The following FAM13C variants were observed in gnomAD, a reference collection of about 807,000 sequenced individuals.
FAM13C encodes the protein protein FAM13C.
In FAM13C, 37 loss-of-function variants were observed where a neutral mutation model predicts 73.2. The ratio of observed to expected loss-of-function variants is 0.51; its 90% CI spans 0.39 to 0.67. The LOEUF (loss-of-function observed/expected upper bound fraction) is 0.67, where lower values mean the gene tolerates loss of function less well. FAM13C is among the 30% of genes least tolerant of loss of function. The pLI, the probability that FAM13C is intolerant of heterozygous loss-of-function variation, is 0.00. For synonymous variants in FAM13C, 246 were observed against 260.9 expected (o/e 0.94, Z 0.55); for missense variants, 589 against 715.6 (o/e 0.82, Z 2.02).
At chr10:59,315,697 A>G (rs543521922) in intron 4 of FAM13C, among the ~76,000 whole-genome samples, 2 of 152,314 alleles carry the variant, frequency 1.3e-5, no homozygotes, top group South Asian at 4.1e-4. Flanking sequence ...CCCTTAGCAC[A>G]ATGTGAACTA....
intron 6 of FAM13C, among the ~76,000 whole-genome samples, chr10:59,279,913 G>A (rs1188113926): frequency 6.6e-6 from 1 of 152,140 alleles, no homozygotes; most frequent in Non-Finnish European, 1.5e-5. Context: ...GTGCCAGCCT[G>A]GTCAACTTCT....
rs920015982 is a variant in FAM13C, at chr10:59,350,376, G to A, written c.324+1894C>T. On this transcript the variant is annotated intron_variant, in intron 3 of 13. Transcript: ENST00000618804. ...GATGAAAAGAAAGAGGGTAGTCTGA[G>A]GAGAGATGGCTGGTCACCCTGAAAC... 1.1e-4 allele frequency among the ~76,000 whole-genome samples: 16 copies of A among 152,304 alleles called. 1 individual carries two copies. The highest frequency in any genetic ancestry group is 6.5e-4 in the Admixed American group (10 of 15,304).
At chr10:59,279,128 C>A (rs1021814271) in intron 6 of FAM13C, among the ~76,000 whole-genome samples, 1 of 152,212 alleles carries the variant, frequency 6.6e-6, no homozygotes, top group African/African-American at 2.4e-5. Context: ...TATTACTGAA[C>A]CTTCTTGCAC....
At position 59,251,566 on chromosome 10, in the gene FAM13C, G is replaced by A. The variant is rs535888583; in HGVS notation, c.1634+9C>T. The stretch of plus-strand genomic sequence containing the variant: ...TATTAGCTTTAAAAATCTCTCTGCC[G>A]ACACATACCTTCCTGTTTGTTTAAA... On this transcript the variant is annotated intron_variant, in intron 13 of 13. Transcript: ENST00000618804. 19 of 1,609,502 alleles carry A rather than the reference G, an allele frequency of 1.2e-5. No homozygotes were observed. The Admixed American group carries it at 2.3e-4, about 20-fold the overall frequency.
chr10:59,257,566 T>G (rs1270618103), intron 10 of FAM13C, among the ~76,000 whole-genome samples: 1 of 152,206 alleles, frequency 6.6e-6, no homozygotes, highest in East Asian at 1.9e-4. Context: ...CAGTGAGCAA[T>G]GGAAAACATG....
At position 59,247,076 on chromosome 10, in the gene FAM13C, G is replaced by A. The variant is rs1426794859; in HGVS notation, c.*538C>T. 4 of 156,604 alleles carry A rather than the reference G, an allele frequency of 2.6e-5. No homozygotes were observed. The highest frequency in any genetic ancestry group is 1.4e-5 in the Non-Finnish European group (1 of 71,004). The allele number at this position is 156,604 out of a possible 1,614,324, so 9.7% of individuals were successfully genotyped here. On this transcript the variant is annotated 3_prime_UTR_variant, in exon 14 of 14. Transcript: ENST00000618804. ...AGCAACACAATCTAGTTTATTTTAG[G>A]GTACTGAGAGCCTAGCAGACTTAAA...
chr10:59,342,344 C>A (rs1179122796), intron 3 of FAM13C, among the ~76,000 whole-genome samples: 1 of 93,782 alleles, frequency 1.1e-5, no homozygotes, highest in Non-Finnish European at 2.1e-5. Flanking sequence ...CAAACTTTAC[C>A]CTTTAAAGTT....
chr10:59,311,011 T>G (rs1848851651), intron 4 of FAM13C, among the ~76,000 whole-genome samples: 1 of 152,146 alleles, frequency 6.6e-6, no homozygotes, highest in South Asian at 2.1e-4. Context: ...GGAACTTCTT[T>G]GAGTATAGGA....
intron 4 of FAM13C, among the ~76,000 whole-genome samples, chr10:59,319,271 A>C (rs1849912491): frequency 6.6e-6 from 1 of 152,222 alleles, no homozygotes; most frequent in Non-Finnish European, 1.5e-5. Context: ...CAAGGCCATT[A>C]TCCTTGCTAA....
intron 6 of FAM13C, among the ~76,000 whole-genome samples, chr10:59,275,424 C>T (rs1844217568): frequency 6.6e-6 from 1 of 152,146 alleles, no homozygotes. Flanking sequence ...CAGTGTCAGA[C>T]ACCAAGCTTC....
intron 6 of FAM13C, among the ~76,000 whole-genome samples, chr10:59,281,427 C>A (rs569702657): frequency 6.6e-6 from 1 of 152,236 alleles, no homozygotes; most frequent in East Asian, 1.9e-4. Flanking sequence ...ATATCCCTGC[C>A]AAATGAAGAG....
chr10:59,247,781 C>A, intron 13 of FAM13C, 44 bp from the exon 14 acceptor site: 2 of 1,570,856 alleles, frequency 1.3e-6, no homozygotes, highest in South Asian at 2.3e-5. Context: ...TGAATCAAGT[C>A]ATTATTTAAA....
At chr10:59,270,851 A>G (rs915820001) in intron 6 of FAM13C, among the ~76,000 whole-genome samples, 2 of 152,134 alleles carry the variant, frequency 1.3e-5, no homozygotes, top group African/African-American at 4.8e-5. Flanking sequence ...TTCAGGCAAA[A>G]CAAAAAACAT....
chr10:59,264,899 A>G (rs1220031370), intron 8 of FAM13C, among the ~76,000 whole-genome samples: 2 of 152,164 alleles, frequency 1.3e-5, no homozygotes, highest in African/African-American at 4.8e-5. Context: ...GTTACTTTAA[A>G]TTAAGGATGT....
chr10:59,288,205 T>C (rs1036799567), intron 5 of FAM13C, among the ~76,000 whole-genome samples: 1 of 152,182 alleles, frequency 6.6e-6, no homozygotes, highest in African/African-American at 2.4e-5. Flanking sequence ...GAACTATCCA[T>C]TGGTGGCTGG....
intron 13 of FAM13C, among the ~76,000 whole-genome samples, chr10:59,247,967 A>G (rs2133333945): frequency 6.6e-6 from 1 of 152,208 alleles, no homozygotes. Context: ...TTTTGCAAAT[A>G]TGTGGTCTAG....
At chr10:59,259,433 T>C (rs1031114121) in intron 10 of FAM13C, among the ~76,000 whole-genome samples, 6 of 152,210 alleles carry the variant, frequency 3.9e-5, no homozygotes, top group African/African-American at 9.6e-5. Context: ...TGAAATGCTA[T>C]TGAGCTCATT....
rs1855085485 is a variant in FAM13C, at chr10:59,351,866, G to C, written c.324+404C>G. 2.0e-5 allele frequency among the ~76,000 whole-genome samples: 3 copies of C among 151,774 alleles called. 1 individual carries two copies. In the South Asian group the frequency reaches 6.3e-4, roughly 32 times the overall value. On this transcript the variant is annotated intron_variant, in intron 3 of 13. Transcript: ENST00000618804. ...AAAAAATTAGCCAGGCATGGTGGCA[G>C]GCGCCTGTAATCCCAGCTACTCAGG...
At chr10:59,265,131 C>A (rs187702859) in intron 8 of FAM13C, among the ~76,000 whole-genome samples, 1 of 151,992 alleles carries the variant, frequency 6.6e-6, no homozygotes, top group East Asian at 1.9e-4. Flanking sequence ...AGGATCATCA[C>A]GTGTACATGA....
Sources: gnomAD v4.1 joint callset for allele counts (sites outside exome capture counted in the v4.1 genomes callset) on GRCh38, gnomAD v4.1.1 for gene constraint, MANE v1.5 for transcripts, NCBI Gene and HGNC (gene_info 2026-07-23, HGNC 2026-07-21) for gene names.